The following MDN1 variants were observed in gnomAD, a reference collection of about 807,000 sequenced individuals.
The protein encoded by MDN1 is midasin.
In MDN1, 266 loss-of-function variants were observed where a neutral mutation model predicts 669.2. That is an observed-to-expected ratio of 0.40 (90% CI 0.36 to 0.44). The LOEUF (loss-of-function observed/expected upper bound fraction) is 0.44, where lower values mean the gene tolerates loss of function less well. MDN1 is among the 20% of genes least tolerant of loss of function. The probability of loss-of-function intolerance (pLI) is 1.00; values close to 1 mark genes in which losing one functional copy is unlikely to be tolerated. For missense variants in MDN1, 5,940 were observed against 6,754.0 expected (o/e 0.88, Z 4.22); for synonymous variants, 2,385 against 2,457.1 (o/e 0.97, Z 0.87).
At chr6:89,753,429 T>TG (rs199537517) in intron 22 of MDN1, 83 bp downstream of exon 22, 11 of 935,002 alleles carry the variant, frequency 1.2e-5, no homozygotes, top group African/African-American at 7.0e-5. Context: ...AAAAGTTATG[T>TG]GAAAAAAAAA....
In MDN1 at chr6:89,771,544, T is replaced by C. The variant is rs746774176; in HGVS notation, c.2144+17A>G. ...AATAAACACAAAAATAAGAAAAAAA[T>C]TTTAAGCCACACTTACCCTCCAAGC... On this transcript the variant is annotated intron_variant, in intron 15 of 101. Coordinates refer to ENST00000369393, the MANE Select transcript of MDN1 (RefSeq NM_014611.3). 1 of 1,604,364 alleles carries C rather than the reference T, an allele frequency of 6.2e-7. No individual in the cohort carries two copies.
intron 30 of MDN1, 105 bp downstream of exon 30, chr6:89,743,471 C>A: frequency 1.4e-6 from 2 of 1,403,790 alleles, no homozygotes; most frequent in South Asian, 1.4e-5. Context: ...TGCAGATATG[C>A]ACATTTAACC....
chr6:89,793,931 T>C lies in MDN1; in HGVS notation c.686A>G (p.Gln229Arg). 6.2e-7 allele frequency: 1 copy of C among 1,613,518 alleles called. No homozygotes were observed. Among genetic ancestry groups the C allele is most frequent in the Non-Finnish European group, 8.5e-7 (1 of 1,179,580 alleles). Residue 229 changes from glutamine (Q) to arginine (R), a missense_variant, in exon 5 of 102, where the codon CAG (glutamine) becomes CGG (arginine). Transcript: ENST00000369393. ...RLRLLEEAQL[Q>R]DLEKALVLAN... ...CAAAACCAAGGCCTTCTCCAAGTCC[T>C]GCAACTGGGCCTCTTCTAATAACCT...
Position 89,730,815 on chromosome 6 carries a change from T to C in MDN1, c.5051A>G (p.Asn1684Ser), listed in dbSNP as rs1171706959. 7 of 1,614,066 alleles carry C rather than the reference T, an allele frequency of 4.3e-6. No individual in the cohort carries two copies. The highest frequency in any genetic ancestry group is 5.9e-6 in the Non-Finnish European group (7 of 1,179,934). Reference protein sequence around the residue: ...KIVRLTEYQKNELKIYDRMKA... With the variant: ...KIVRLTEYQKSELKIYDRMKA... Reference sequence around the variant, plus strand: ...CATTCTGTCATAAATCTTCAACTCATTTTTCTGATATTCTGTAAGTCGTAC... The same window carrying C: ...CATTCTGTCATAAATCTTCAACTCACTTTTCTGATATTCTGTAAGTCGTAC... Residue 1684 changes from asparagine (N) to serine (S), a missense_variant, in exon 35 of 102, where the codon AAT becomes AGT. By Grantham distance (46) the Asn-to-Ser change is conservative. This residue lies in a region of MDN1 where 2,292 missense variants were observed against 2,638.3 expected (regional missense o/e 0.87). Coordinates refer to ENST00000369393, the MANE Select transcript of MDN1 (RefSeq NM_014611.3).
At chr6:89,644,472 T>A (rs1808353304) in intron 101 of MDN1, among the ~76,000 whole-genome samples, 1 of 152,190 alleles carries the variant, frequency 6.6e-6, no homozygotes, top group African/African-American at 2.4e-5. Flanking sequence ...CTCCCCATCA[T>A]CCACTTGGAA....
rs1812572086 is a variant in MDN1, at chr6:89,694,266, G to T, written c.9772-83C>A. 9 of 1,156,896 alleles carry T rather than the reference G, an allele frequency of 7.8e-6. No homozygotes were observed. The Admixed American group carries it at 8.9e-5, about 11-fold the overall frequency. The allele number at this position is 1,156,896 out of a possible 1,614,324, so 71.7% of individuals were successfully genotyped here. The stretch of plus-strand genomic sequence containing the variant: ...GACAATGTCCTGGGGACACGTAGAG[G>T]AACAAGATGGAAGGAATCTGGGTTC... On this transcript the variant is annotated intron_variant, in intron 61 of 101. Transcript: ENST00000369393.
chr6:89,652,059 G>A lies in MDN1; in HGVS notation c.15915+133C>T, dbSNP rs1584088277. The A allele has an allele frequency of 6.0e-6, 4 of 664,076 alleles. No homozygotes were observed. In the East Asian group the frequency reaches 1.1e-4, roughly 18 times the overall value. The allele number at this position is 664,076 out of a possible 1,614,324, so 41.1% of individuals were successfully genotyped here. ...GGACAGATCTGTAGGCTTTAGGATT[G>A]TAATTATATTCTCCATATGCCTGGT... On this transcript the variant is annotated intron_variant, in intron 95 of 101. Transcript: ENST00000369393.
chr6:89,710,737 T>C lies in MDN1; in HGVS notation c.7709A>G (p.His2570Arg). Reference sequence around the variant, plus strand: ...ATTACTGACTGCACCTGAGAGGGAATGTGAGTAAAAATTCCTGAGAGATGC... The same window carrying C: ...ATTACTGACTGCACCTGAGAGGGAACGTGAGTAAAAATTCCTGAGAGATGC... ...SAASLRNFYS[H>R]SLSGAVSNVF... is the part of the protein sequence containing the mutation. Residue 2570 changes from histidine (H) to arginine (R), a missense_variant, in exon 50 of 102, where the codon CAT becomes CGT. Physicochemically the swap from His to Arg is conservative, Grantham distance 29 (BLOSUM62 0). This residue lies in a region of MDN1 where 2,292 missense variants were observed against 2,638.3 expected (regional missense o/e 0.87). Transcript: ENST00000369393. 1.2e-6 allele frequency: 2 copies of C among 1,602,716 alleles called. No individual in the cohort carries two copies. The highest frequency in any genetic ancestry group is 2.3e-5 in the East Asian group (1 of 44,178).
chr6:89,646,001 G>A (rs945822174), intron 100 of MDN1, among the ~76,000 whole-genome samples: 1 of 152,126 alleles, frequency 6.6e-6, no homozygotes, highest in Non-Finnish European at 1.5e-5. Context: ...TACAGTACTT[G>A]CAGGGGGCTG....
chr6:89,658,177 C>CAGCT, intron 90 of MDN1, 32 bp downstream of exon 90: 1 of 1,612,402 alleles, frequency 6.2e-7, no homozygotes, highest in Non-Finnish European at 8.5e-7. Context: ...TACTAAGAGG[C>CAGCT]AGCTGGCGGC....
At chr6:89,771,665 G>A in intron 14 of MDN1, 44 bp from the exon 15 acceptor site, 1 of 1,504,286 alleles carries the variant, frequency 6.6e-7, no homozygotes, top group Non-Finnish European at 9.2e-7. Context: ...AAAATTTAAA[G>A]ACCGATAATA....
In MDN1 at chr6:89,780,343, A is replaced by G. The variant is rs1216570757; in HGVS notation, c.1644-50T>C. ...AAAACAAAGAAAAGACCACAGGCCAAAGACATCAAAGGCATCAGAATTTAT... is the reference window on the plus strand; with the variant it reads ...AAAACAAAGAAAAGACCACAGGCCAGAGACATCAAAGGCATCAGAATTTAT... On this transcript the variant is annotated intron_variant, in intron 10 of 101. Coordinates refer to ENST00000369393, the MANE Select transcript of MDN1 (RefSeq NM_014611.3). The G allele has an allele frequency of 2.5e-6, 3 of 1,185,516 alleles. No individual in the cohort carries two copies. The African/African-American group carries it at 4.8e-5, about 19-fold the overall frequency. The allele number at this position is 1,185,516 out of a possible 1,614,324, so 73.4% of individuals were successfully genotyped here.
chr6:89,677,454 G>A (rs959464168), intron 76 of MDN1, 116 bp downstream of exon 76: 22 of 1,318,214 alleles, frequency 1.7e-5, no homozygotes, highest in Non-Finnish European at 2.3e-5. Context: ...TTTTGTAAGT[G>A]GTAGCCACAG....
intron 88 of MDN1, 123 bp downstream of exon 88, chr6:89,661,308 G>C: frequency 9.2e-7 from 1 of 1,091,082 alleles, no homozygotes; most frequent in African/African-American, 1.6e-5. Context: ...CTCAGACTGG[G>C]ATTGAGCCTA....
intron 2 of MDN1, among the ~76,000 whole-genome samples, chr6:89,796,843 T>C (rs900908703): frequency 2.5e-4 from 38 of 151,508 alleles, no homozygotes; most frequent in Admixed American, 2.2e-3. Flanking sequence ...CTGAGGCGGG[T>C]GGATCACCTG....
intron 1 of MDN1, among the ~76,000 whole-genome samples, chr6:89,815,806 G>A (rs1224628771): frequency 6.6e-6 from 1 of 152,130 alleles, no homozygotes; most frequent in Non-Finnish European, 1.5e-5. Context: ...AGAGTCACTC[G>A]CCCACTGTGT....
rs1812817307 is a variant in MDN1 at position 89,697,201 on chromosome 6, A to T, written c.9169-627T>A. The stretch of plus-strand genomic sequence containing the variant: ...ATTTCACATGAGAGTGGAAAGGAGG[A>T]ATTAGTCAAAATGATGTTATTACAT... On this transcript the variant is annotated intron_variant, in intron 59 of 101. Coordinates refer to ENST00000369393, the MANE Select transcript of MDN1 (RefSeq NM_014611.3). Among the ~76,000 whole-genome samples the T allele has an allele frequency of 2.6e-5, 4 of 152,230 alleles. No homozygotes were observed. The South Asian group carries it at 8.3e-4, about 32-fold the overall frequency.
chr6:89,715,869 C>T (rs1254874679), intron 44 of MDN1, 100 bp from the exon 45 acceptor site: 1 of 778,508 alleles, frequency 1.3e-6, no homozygotes, highest in African/African-American at 1.7e-5. Flanking sequence ...CTCACATTTC[C>T]TTTCGGCACA....
At chr6:89,816,272 T>C (rs991885110) in intron 1 of MDN1, among the ~76,000 whole-genome samples, 1 of 151,598 alleles carries the variant, frequency 6.6e-6, no homozygotes. Context: ...CAGTGGCAGG[T>C]GCCTGTAATC....
Sources: gnomAD v4.1 joint callset for allele counts (sites outside exome capture counted in the v4.1 genomes callset) on GRCh38, gnomAD v4.1.1 for gene constraint, gnomAD v4.1.1 regional missense constraint, MANE v1.5 for transcripts, NCBI Gene and HGNC (gene_info 2026-07-23, HGNC 2026-07-21) for gene names.